FOXN3: variants seen among roughly 807,000 people sequenced by gnomAD.
The protein encoded by FOXN3 is forkhead box protein N3.
FOXN3 carries 7 observed loss-of-function variants against 38.4 expected under a neutral mutation model. That is an observed-to-expected ratio of 0.18 (90% CI 0.10 to 0.34). The LOEUF is 0.34. FOXN3 is among the 10% of genes least tolerant of loss of function. The probability of loss-of-function intolerance (pLI) is 1.00; values close to 1 mark genes in which losing one functional copy is unlikely to be tolerated. For missense variants in FOXN3, 456 were observed against 613.4 expected (o/e 0.74, Z 2.71); for synonymous variants, 230 against 242.2 (o/e 0.95, Z 0.47).
At chr14:89,578,696 G>A (rs746951347) in intron 1 of FOXN3, among the ~76,000 whole-genome samples, 1 of 151,974 alleles carries the variant, frequency 6.6e-6, no homozygotes, top group Non-Finnish European at 1.5e-5. Flanking sequence ...AAGCCCTGTT[G>A]CCTCTGCTTC....
At chr14:89,261,471 C>T (rs1596138717) in intron 4 of FOXN3, among the ~76,000 whole-genome samples, 2 of 152,306 alleles carry the variant, frequency 1.3e-5, no homozygotes, top group Non-Finnish European at 2.9e-5. Flanking sequence ...GGTTTCTTTT[C>T]TACCTTTCCA....
intron 1 of FOXN3, among the ~76,000 whole-genome samples, chr14:89,528,376 CTTTTTTTTTTT>C (rs55935162): frequency 5.3e-3 from 285 of 53,550 alleles, no homozygotes; most frequent in African/African-American, 0.014. Flanking sequence ...ATGGATGAAT[CTTTTTTTTTTT>C]TTTTTTTTTT....
intron 1 of FOXN3, among the ~76,000 whole-genome samples, chr14:89,480,729 C>A (rs1393393535): frequency 2.0e-5 from 3 of 152,162 alleles, no homozygotes; most frequent in Non-Finnish European, 4.4e-5. Flanking sequence ...TCCCAGAACA[C>A]AAATTAAATG....
Position 89,317,708 on chromosome 14 carries a change from C to G in FOXN3, c.680+32964G>C, listed in dbSNP as rs147744306. Among the ~76,000 whole-genome samples the G allele has an allele frequency of 5.1e-3, 780 of 152,122 alleles. 2 individuals carry two copies. Among genetic ancestry groups the G allele is most frequent in the African/African-American group, 0.018 (762 of 41,478 alleles). ...CAACAATTGAACCTACCTCCTTTCC[C>G]CCCCCATAGAAATCCCTCCTTTCCC... On this transcript the variant is annotated intron_variant, in intron 3 of 5. Coordinates refer to ENST00000557258, the MANE Select transcript of FOXN3 (RefSeq NM_005197.4).
rs530065595 is a variant in FOXN3, at chr14:89,509,326, G to T, written c.-14-96836C>A. The stretch of plus-strand genomic sequence containing the variant: ...TTGCAAATTATATACAGTTTTTTTT[G>T]TTGTTGTTTGTTTGTTTGTTTGTTT... On this transcript the variant is annotated intron_variant, in intron 1 of 6. Transcript: ENST00000345097. Among the ~76,000 whole-genome samples, 580 of 82,264 alleles carry T rather than the reference G, an allele frequency of 7.1e-3. 2 individuals are homozygous for T. The highest frequency in any genetic ancestry group is 0.018 in the Admixed American group (124 of 6,738). The allele number at this position is 82,264 out of a possible 152,430, so 54.0% of individuals were successfully genotyped here. A position where few individuals can be genotyped will look rare whatever the true frequency, so the allele number is the denominator to read the frequency against.
intron 1 of FOXN3, among the ~76,000 whole-genome samples, chr14:89,514,693 G>C (rs1273382516): frequency 1.3e-5 from 2 of 152,136 alleles, no homozygotes; most frequent in Non-Finnish European, 2.9e-5. Flanking sequence ...TTTAATTTTA[G>C]TTCATCACAC....
At chr14:89,393,642 C>A (rs565795809) in intron 2 of FOXN3, among the ~76,000 whole-genome samples, 1 of 152,166 alleles carries the variant, frequency 6.6e-6, no homozygotes, top group Non-Finnish European at 1.5e-5. Context: ...AAACTGTGCA[C>A]GCCACACACT....
chr14:89,205,228 C>T (rs1311232797), intron 4 of FOXN3, among the ~76,000 whole-genome samples: 3 of 151,770 alleles, frequency 2.0e-5, no homozygotes, highest in Non-Finnish European at 2.9e-5. Flanking sequence ...TGTGTGTGTC[C>T]CCCAAAATTC....
At position 89,346,464 on chromosome 14, in the gene FOXN3, T is replaced by C. The variant is rs1238755082; in HGVS notation, c.680+4208A>G. Among the ~76,000 whole-genome samples, 3 of 152,168 alleles carry C rather than the reference T, an allele frequency of 2.0e-5. No homozygotes were observed. In the East Asian group the frequency reaches 5.8e-4, roughly 29 times the overall value. On this transcript the variant is annotated intron_variant, in intron 3 of 5. Transcript: ENST00000557258. ...TTTGAGGAGTGAGGATCAAGTTATT[T>C]TTGTAGAATGTCCCTGCTGAAGGAC... is the stretch of plus-strand genomic sequence containing the variant.
At chr14:89,566,378 T>G (rs1416479262) in intron 1 of FOXN3, among the ~76,000 whole-genome samples, 1 of 152,352 alleles carries the variant, frequency 6.6e-6, no homozygotes, top group East Asian at 1.9e-4. Context: ...AAATTTAGCA[T>G]TGTCAGCATT....
intron 4 of FOXN3, among the ~76,000 whole-genome samples, chr14:89,272,796 T>C (rs769167755): frequency 6.6e-6 from 1 of 152,112 alleles, no homozygotes; most frequent in African/African-American, 2.4e-5. Flanking sequence ...TAAGTTGCAG[T>C]GAGCCAAGAT....
intron 4 of FOXN3, among the ~76,000 whole-genome samples, chr14:89,269,122 T>C (rs997321092): frequency 3.9e-5 from 6 of 152,224 alleles, no homozygotes; most frequent in African/African-American, 1.2e-4. Flanking sequence ...GCATCTCTAC[T>C]GGCAGACGTC....
At chr14:89,393,026 C>G (rs967210661) in intron 2 of FOXN3, among the ~76,000 whole-genome samples, 3 of 152,214 alleles carry the variant, frequency 2.0e-5, no homozygotes, top group South Asian at 2.1e-4. Flanking sequence ...AGACTGGTCT[C>G]AAACTCCTGA....
chr14:89,341,634 C>G (rs1888618067), intron 3 of FOXN3, among the ~76,000 whole-genome samples: 1 of 152,092 alleles, frequency 6.6e-6, no homozygotes, highest in African/African-American at 2.4e-5. Flanking sequence ...TTCTATGAGA[C>G]CATCTTAGAT....
At chr14:89,427,228 CAA>C (rs1377599085) in intron 1 of FOXN3, among the ~76,000 whole-genome samples, 5 of 44,462 alleles carry the variant, frequency 1.1e-4, no homozygotes, top group Non-Finnish European at 1.3e-4. Context: ...GCCTCTGTCT[CAA>C]AAAAAAAAAA....
chr14:89,606,843 T>C (rs1281979692), intron 1 of FOXN3, among the ~76,000 whole-genome samples: 3 of 151,652 alleles, frequency 2.0e-5, no homozygotes, highest in Non-Finnish European at 2.9e-5. Context: ...AGCGAGACTC[T>C]GTCTCAAAAA....
chr14:89,612,825 T>A (rs759782581), intron 1 of FOXN3, among the ~76,000 whole-genome samples: 8 of 137,184 alleles, frequency 5.8e-5, no homozygotes, highest in African/African-American at 8.1e-5. Flanking sequence ...AGACCCTGCT[T>A]AAAAAAAAAA....
intron 2 of FOXN3, among the ~76,000 whole-genome samples, chr14:89,392,389 C>A (rs768971324): frequency 6.6e-6 from 1 of 152,352 alleles, no homozygotes; most frequent in East Asian, 1.9e-4. Flanking sequence ...GCTGCTGTAA[C>A]CAAGTGCCAC....
Position 89,190,298 on chromosome 14 carries a change from A to G in FOXN3, c.746-9492T>C. The G allele has an allele frequency of 3.9e-6, 4 of 1,019,954 alleles. No homozygotes were observed. In the South Asian group the frequency reaches 5.8e-5, roughly 15 times the overall value. The allele number at this position is 1,019,954 out of a possible 1,614,324, so 63.2% of individuals were successfully genotyped here. A position where few individuals can be genotyped will look rare whatever the true frequency, so the allele number is the denominator to read the frequency against. On this transcript the variant is annotated intron_variant, in intron 4 of 5. Transcript: ENST00000557258. ...TCTATAAGGGAAGTTCTACTTTAGC[A>G]TTAGTTCTTCCTATGACCTGGTGTA...
Sources: gnomAD v4.1 joint callset for allele counts (sites outside exome capture counted in the v4.1 genomes callset) on GRCh38, gnomAD v4.1.1 for gene constraint, MANE v1.5 for transcripts, NCBI Gene and HGNC (gene_info 2026-07-23, HGNC 2026-07-21) for gene names.